The following CNTNAP4 variants were observed in gnomAD, a reference collection of about 807,000 sequenced individuals.
The protein encoded by CNTNAP4 is contactin associated protein family member 4.
Under a neutral mutation model 148.4 loss-of-function variants are expected in CNTNAP4, and 98 were observed. The ratio of observed to expected loss-of-function variants is 0.66; its 90% CI spans 0.56 to 0.78. The LOEUF (loss-of-function observed/expected upper bound fraction) is 0.78, where lower values mean the gene tolerates loss of function less well. Ranked by LOEUF, CNTNAP4 falls within the 30% of genes least tolerant of loss-of-function variation. CNTNAP4 has a pLI of 0.00. For missense variants in CNTNAP4, 1,935 were observed against 1,565.6 expected, an observed-to-expected ratio of 1.24 and a Z score of -3.98; for synonymous variants, 730 against 565.1, an observed-to-expected ratio of 1.29 and a Z score of -4.14.
intron 17 of CNTNAP4, among the ~76,000 whole-genome samples, chr16:76,526,913 C>A (rs772997772): frequency 6.6e-6 from 1 of 151,970 alleles, no homozygotes; most frequent in East Asian, 1.9e-4. Context: ...GGCTCAAGGG[C>A]TCCACCCCCC....
chr16:76,450,630 ATG>A (rs1343443992), intron 7 of CNTNAP4, among the ~76,000 whole-genome samples: 2 of 152,230 alleles, frequency 1.3e-5, no homozygotes, highest in Non-Finnish European at 2.9e-5. Flanking sequence ...GAAACATCAC[ATG>A]TAGGAAATCT....
At chr16:76,462,459 C>T (rs2081012894) in intron 9 of CNTNAP4, among the ~76,000 whole-genome samples, 1 of 152,026 alleles carries the variant, frequency 6.6e-6, no homozygotes, top group South Asian at 2.1e-4. Flanking sequence ...TTGATTATGC[C>T]CTTAGCTCCT....
chr16:76,543,006 A>G (rs1292279484), intron 21 of CNTNAP4, among the ~76,000 whole-genome samples: 2 of 152,254 alleles, frequency 1.3e-5, no homozygotes, highest in East Asian at 1.9e-4. Flanking sequence ...CATTCACTAT[A>G]TAAGTCCTCA....
chr16:76,375,792 C>G (rs1488982830), intron 3 of CNTNAP4, among the ~76,000 whole-genome samples: 1 of 152,120 alleles, frequency 6.6e-6, no homozygotes, highest in East Asian at 1.9e-4. Context: ...CCAAGAGTGA[C>G]TTGAATAGTC....
chr16:76,394,543 A>G lies in CNTNAP4; in HGVS notation c.391-32909A>G, dbSNP rs540726589. ...CTAATTTTCACTAATTCCTAGAGTG[A>G]TGGGATTATGAGTAGGCTTTTTTCC... is the stretch of plus-strand genomic sequence containing the variant. On this transcript the variant is annotated intron_variant, in intron 3 of 23. Coordinates refer to ENST00000611870, the MANE Select transcript of CNTNAP4 (RefSeq NM_033401.5). Among the ~76,000 whole-genome samples the G allele has an allele frequency of 4.1e-3, 625 of 152,322 alleles. 5 individuals are homozygous for G. Among genetic ancestry groups the G allele is most frequent in the African/African-American group, 0.015 (607 of 41,572 alleles).
chr16:76,301,065 A>G (rs983040177), intron 1 of CNTNAP4, among the ~76,000 whole-genome samples: 1 of 152,134 alleles, frequency 6.6e-6, no homozygotes, highest in African/African-American at 2.4e-5. Flanking sequence ...TATAACTTAC[A>G]GACATGAAAA....
In CNTNAP4 at chr16:76,461,637, G is replaced by C. The variant is rs140229000; in HGVS notation, c.1334-319G>C. On this transcript the variant is annotated intron_variant, in intron 8 of 23. Transcript: ENST00000611870. ...TAAACCATTTTATTGGGTATATCTT[G>C]GAATTTTGGGAATTCCTAAACCCTT... 3.7e-4 allele frequency among the ~76,000 whole-genome samples: 57 copies of C among 152,128 alleles called. No individual in the cohort carries two copies. The East Asian group carries it at 0.011, about 28-fold the overall frequency.
At chr16:76,541,038 A>G (rs1024298427) in intron 21 of CNTNAP4, among the ~76,000 whole-genome samples, 1 of 152,218 alleles carries the variant, frequency 6.6e-6, no homozygotes, top group Admixed American at 6.5e-5. Context: ...TCAATAAAGT[A>G]TAATGAAATA....
intron 3 of CNTNAP4, among the ~76,000 whole-genome samples, chr16:76,427,154 T>A (rs529235199): frequency 1.3e-5 from 2 of 152,126 alleles, no homozygotes; most frequent in Non-Finnish European, 2.9e-5. Flanking sequence ...ACATGGCACA[T>A]TTTTACGTTT....
intron 3 of CNTNAP4, among the ~76,000 whole-genome samples, chr16:76,361,592 G>T (rs191655729): frequency 6.6e-6 from 1 of 151,922 alleles, no homozygotes; most frequent in African/African-American, 2.4e-5. Flanking sequence ...CCACTTCTTC[G>T]CTGTTGTAAA....
At chr16:76,387,880 A>G (rs2016647234) in intron 3 of CNTNAP4, among the ~76,000 whole-genome samples, 1 of 152,190 alleles carries the variant, frequency 6.6e-6, no homozygotes, top group South Asian at 2.1e-4. Context: ...TGAGGATGCC[A>G]TTGTTATTAT....
intron 13 of CNTNAP4, among the ~76,000 whole-genome samples, chr16:76,494,284 G>A (rs997936014): frequency 3.3e-5 from 5 of 152,032 alleles, no homozygotes; most frequent in African/African-American, 7.2e-5. Flanking sequence ...TGTAATATTC[G>A]CTTCCAGCAT....
chr16:76,316,526 A>G lies in CNTNAP4; in HGVS notation c.196+3A>G. ...TGCAAGGCTGAATAGAAGAGATGGT[A>G]AGTCTGCTTTTCTCCTCTGACTGGC... is the stretch of plus-strand genomic sequence containing the variant. On this transcript the variant is annotated splice_donor_region_variant and intron_variant, in intron 2 of 23. Transcript: ENST00000611870. The G allele has an allele frequency of 1.3e-6, 2 of 1,598,252 alleles. No individual in the cohort carries two copies. The highest frequency in any genetic ancestry group is 1.7e-6 in the Non-Finnish European group (2 of 1,165,646).
chr16:76,452,350 AC>A (rs2080527473), intron 7 of CNTNAP4, among the ~76,000 whole-genome samples, 157 bp from the exon 8 acceptor site: 1 of 152,210 alleles, frequency 6.6e-6, no homozygotes, highest in South Asian at 2.1e-4. Flanking sequence ...GGGTTGAAGA[AC>A]CTTTAAGAAA....
chr16:76,436,080 A>G (rs1328331084), intron 4 of CNTNAP4, among the ~76,000 whole-genome samples: 1 of 152,056 alleles, frequency 6.6e-6, no homozygotes, highest in Non-Finnish European at 1.5e-5. Context: ...TAGGTATAGA[A>G]CAAACAGGGG....
chr16:76,553,028 T>G (rs1056341173), intron 21 of CNTNAP4, among the ~76,000 whole-genome samples: 6 of 152,216 alleles, frequency 3.9e-5, no homozygotes, highest in Non-Finnish European at 7.3e-5. Context: ...TGACCCATTC[T>G]TATGCTTTGT....
At chr16:76,397,797 TTGTGTG>T (rs10687638) in intron 3 of CNTNAP4, among the ~76,000 whole-genome samples, 2 of 144,202 alleles carry the variant, frequency 1.4e-5, no homozygotes, top group African/African-American at 2.6e-5. Flanking sequence ...GTGCATGTGT[TTGTGTG>T]TGTGTGTGTG....
At chr16:76,427,814 A>G (rs533393494) in intron 4 of CNTNAP4, among the ~76,000 whole-genome samples, 1 of 152,324 alleles carries the variant, frequency 6.6e-6, no homozygotes, top group South Asian at 2.1e-4. Flanking sequence ...AGCACTTGAT[A>G]GATGGATAGA....
intron 3 of CNTNAP4, among the ~76,000 whole-genome samples, chr16:76,423,504 G>A (rs7203085): frequency 1.3e-5 from 2 of 151,996 alleles, no homozygotes; most frequent in Admixed American, 1.3e-4. Context: ...TATTATTTTT[G>A]AAAAAAGATA....
Sources: allele counts gnomAD v4.1 joint callset (sites outside exome capture counted in the v4.1 genomes callset), GRCh38; gene constraint gnomAD v4.1.1; transcripts MANE v1.5; gene names NCBI Gene and HGNC (gene_info 2026-07-23, HGNC 2026-07-21).